BTBD9: variants seen among roughly 807,000 people sequenced by gnomAD.
The protein encoded by BTBD9 is BTB domain containing 9, also known as BTB/POZ domain-containing protein 9.
A neutral mutation model predicts 64.3 loss-of-function variants in BTBD9; 49 were observed. That is an observed-to-expected ratio of 0.76 (90% confidence interval 0.61 to 0.97). BTBD9 has a LOEUF of 0.97. Among genes scored for constraint, BTBD9 ranks in the 50% least tolerant of loss-of-function variants. The pLI is 0.00. For missense variants in BTBD9, 598 were observed against 762.1 expected (o/e 0.78, Z 2.53); for synonymous variants, 260 against 274.7 (o/e 0.95, Z 0.53).
intron 6 of BTBD9, among the ~76,000 whole-genome samples, chr6:38,348,890 A>G (rs1166133788): frequency 6.6e-6 from 1 of 152,182 alleles, no homozygotes; most frequent in East Asian, 1.9e-4. Flanking sequence ...TAAGTGTGTC[A>G]CTTAAGGGAA....
chr6:38,320,708 T>G (rs1336827555), intron 7 of BTBD9, among the ~76,000 whole-genome samples: 1 of 152,150 alleles, frequency 6.6e-6, no homozygotes, highest in Non-Finnish European at 1.5e-5. Flanking sequence ...AGTTAGACAA[T>G]GTTTACAAAA....
chr6:38,531,697 G>C (rs972896801), intron 6 of BTBD9, among the ~76,000 whole-genome samples: 7 of 152,112 alleles, frequency 4.6e-5, no homozygotes, highest in Non-Finnish European at 1.0e-4. Context: ...AAAAAAGCAG[G>C]GAGGTAAAAT....
intron 6 of BTBD9, among the ~76,000 whole-genome samples, chr6:38,356,351 T>C (rs985906493): frequency 1.3e-5 from 2 of 152,184 alleles, no homozygotes; most frequent in African/African-American, 4.8e-5. Flanking sequence ...TTTTCAGTAT[T>C]GGACTTCCTC....
chr6:38,634,375 T>C (rs1274876720), intron 1 of BTBD9, among the ~76,000 whole-genome samples: 1 of 152,184 alleles, frequency 6.6e-6, no homozygotes, highest in Non-Finnish European at 1.5e-5. Flanking sequence ...TCTACATCCA[T>C]GTTTCTGTGA....
At chr6:38,309,067 T>C (rs1762733026) in intron 7 of BTBD9, among the ~76,000 whole-genome samples, 1 of 151,714 alleles carries the variant, frequency 6.6e-6, no homozygotes, top group Non-Finnish European at 1.5e-5. Flanking sequence ...TGCAAAAGGT[T>C]GTTTAAAAAG....
At chr6:38,483,274 GCTACA>G (rs1771246482) in intron 6 of BTBD9, among the ~76,000 whole-genome samples, 1 of 151,826 alleles carries the variant, frequency 6.6e-6, no homozygotes, top group Non-Finnish European at 1.5e-5. Flanking sequence ...GCTCTATCTT[GCTACA>G]ACCAGGAGTC....
chr6:38,337,560 G>A (rs183687386), intron 7 of BTBD9, among the ~76,000 whole-genome samples: 26 of 152,168 alleles, frequency 1.7e-4, no homozygotes, highest in South Asian at 1.0e-3. Context: ...CAAGAGATAC[G>A]TTCAGTTCCT....
At chr6:38,263,385 T>C (rs538495160) in intron 8 of BTBD9, among the ~76,000 whole-genome samples, 2 of 152,234 alleles carry the variant, frequency 1.3e-5, no homozygotes, top group Non-Finnish European at 1.5e-5. Context: ...GAGGTTTTTT[T>C]GGTATGTCTG....
chr6:38,545,338 C>T (rs570654666), intron 6 of BTBD9, among the ~76,000 whole-genome samples: 16 of 152,148 alleles, frequency 1.1e-4, no homozygotes, highest in African/African-American at 3.6e-4. Context: ...TGATTACAGG[C>T]GTGAGCCACC....
At chr6:38,512,827 A>G (rs914812016) in intron 6 of BTBD9, among the ~76,000 whole-genome samples, 4 of 152,222 alleles carry the variant, frequency 2.6e-5, no homozygotes, top group African/African-American at 9.6e-5. Context: ...AGAATTTTGT[A>G]GTTGAGATCT....
intron 10 of BTBD9, among the ~76,000 whole-genome samples, chr6:38,180,540 G>C (rs913717093): frequency 7.6e-6 from 1 of 130,826 alleles, no homozygotes; most frequent in African/African-American, 3.0e-5. Flanking sequence ...CCTCTAGGTG[G>C]AACAGCCAAG....
At chr6:38,524,041 C>A (rs1448688705) in intron 6 of BTBD9, among the ~76,000 whole-genome samples, 1 of 152,164 alleles carries the variant, frequency 6.6e-6, no homozygotes, top group Non-Finnish European at 1.5e-5. Context: ...ATACTTATGT[C>A]TTTTCTCCCC....
chr6:38,299,327 G>A (rs1029115832), intron 7 of BTBD9, among the ~76,000 whole-genome samples: 4 of 152,184 alleles, frequency 2.6e-5, no homozygotes, highest in East Asian at 1.9e-4. Flanking sequence ...ACGTGTGCAC[G>A]TGTCTTTATA....
chr6:38,578,307 C>G (rs564643219), intron 5 of BTBD9, among the ~76,000 whole-genome samples: 2 of 152,130 alleles, frequency 1.3e-5, no homozygotes, highest in Admixed American at 1.3e-4. Flanking sequence ...AGAGATAATG[C>G]GTGTTTCGTA....
intron 6 of BTBD9, among the ~76,000 whole-genome samples, chr6:38,576,146 T>C (rs1776020771): frequency 6.6e-6 from 1 of 152,120 alleles, no homozygotes; most frequent in African/African-American, 2.4e-5. Context: ...ATCAGACGCT[T>C]TGTTATGCTG....
chr6:38,546,646 C>A (rs147970570), intron 6 of BTBD9, among the ~76,000 whole-genome samples: 2 of 152,078 alleles, frequency 1.3e-5, no homozygotes, highest in Non-Finnish European at 2.9e-5. Context: ...ATTATTATAT[C>A]TGTTACGATA....
chr6:38,631,055 A>T (rs988102719), intron 1 of BTBD9, among the ~76,000 whole-genome samples: 3 of 152,248 alleles, frequency 2.0e-5, no homozygotes, highest in African/African-American at 7.2e-5. Context: ...AAAACCATTA[A>T]ATATGAATAC....
chr6:38,442,469 C>A (rs544379306), intron 6 of BTBD9, among the ~76,000 whole-genome samples: 144 of 150,604 alleles, frequency 9.6e-4, no homozygotes, highest in Admixed American at 3.4e-3. Flanking sequence ...GACTTCATCT[C>A]AAAAAAAAGT....
intron 6 of BTBD9, among the ~76,000 whole-genome samples, chr6:38,462,593 C>T (rs1365865436): frequency 1.3e-5 from 2 of 151,932 alleles, no homozygotes; most frequent in Non-Finnish European, 2.9e-5. Flanking sequence ...TTGTTTTTTT[C>T]AAATCCGTTT....
Sources: gnomAD v4.1 joint callset for allele counts (sites outside exome capture counted in the v4.1 genomes callset) on GRCh38, gnomAD v4.1.1 for gene constraint, MANE v1.5 for transcripts, NCBI Gene and HGNC (gene_info 2026-07-23, HGNC 2026-07-21) for gene names.